FERMT2: variants seen among roughly 807,000 people sequenced by gnomAD.
FERMT2 encodes the protein FERM domain containing kindlin 2, also known as fermitin family homolog 2.
FERMT2 carries 15 observed loss-of-function variants against 82.7 expected under a neutral mutation model. The observed-to-expected ratio is 0.18, with a 90% CI of 0.12 to 0.28. The LOEUF (loss-of-function observed/expected upper bound fraction) is 0.28, where lower values mean the gene tolerates loss of function less well. Ranked by LOEUF, FERMT2 falls within the 10% of genes least tolerant of loss-of-function variation. The pLI is 1.00. For missense variants in FERMT2, 645 were observed against 809.4 expected (o/e 0.80, Z 2.46); for synonymous variants, 274 against 271.5 (o/e 1.01, Z -0.09).
chr14:52,934,694 G>A (rs1889755862), intron 2 of FERMT2, among the ~76,000 whole-genome samples: 1 of 152,154 alleles, frequency 6.6e-6, no homozygotes, highest in Admixed American at 6.6e-5. Flanking sequence ...AATGGTGAAA[G>A]CATCCACATT....
chr14:52,911,681 G>A (rs912180541), intron 3 of FERMT2, among the ~76,000 whole-genome samples: 6 of 151,108 alleles, frequency 4.0e-5, no homozygotes, highest in Non-Finnish European at 5.9e-5. Flanking sequence ...GCAGGCTGCA[G>A]GCCAGAGTTT....
chr14:52,945,946 G>A (rs1273814466), intron 2 of FERMT2, among the ~76,000 whole-genome samples: 4 of 152,054 alleles, frequency 2.6e-5, no homozygotes, highest in Non-Finnish European at 4.4e-5. Context: ...GCACTATCTC[G>A]GCTCATTGCA....
At chr14:52,920,950 G>GAAAAAA (rs146780949) in intron 2 of FERMT2, among the ~76,000 whole-genome samples, 1 of 147,032 alleles carries the variant, frequency 6.8e-6, no homozygotes, top group African/African-American at 2.5e-5. Flanking sequence ...CCTACCTCAA[G>GAAAAAA]AAAAAAAAAA....
chr14:52,929,294 C>A (rs1288561944), intron 2 of FERMT2, among the ~76,000 whole-genome samples: 1 of 152,182 alleles, frequency 6.6e-6, no homozygotes. Context: ...TCCACTGGCA[C>A]CACCCTATTT....
chr14:52,925,033 T>C (rs754312684), intron 2 of FERMT2, among the ~76,000 whole-genome samples: 9 of 152,182 alleles, frequency 5.9e-5, no homozygotes, highest in Non-Finnish European at 8.8e-5. Flanking sequence ...AGCTCTTTCT[T>C]TGGTGCTGGC....
chr14:52,929,082 T>A (rs546705185), intron 2 of FERMT2, among the ~76,000 whole-genome samples: 1 of 152,328 alleles, frequency 6.6e-6, no homozygotes, highest in Admixed American at 6.5e-5. Context: ...CATCTCTTCT[T>A]GATGTCCCAC....
At chr14:52,888,391 C>T (rs537784231) in intron 4 of FERMT2, among the ~76,000 whole-genome samples, 15 of 152,226 alleles carry the variant, frequency 9.9e-5, no homozygotes, top group East Asian at 1.9e-4. Flanking sequence ...AACTCAATCA[C>T]GATTATTCAT....
In FERMT2 at chr14:52,893,372, C is replaced by G. The variant is rs529594228; in HGVS notation, c.447G>C (p.Lys149Asn). The G allele has an allele frequency of 3.7e-6, 6 of 1,611,480 alleles. No homozygotes were observed. In the African/African-American group the frequency reaches 6.7e-5, roughly 18 times the overall value. ...GGTCATCTAGCTTCTTCTTTTTTTT[C>G]TTTGTTGGATCTCTGGGTTTCTTTA... is the stretch of plus-strand genomic sequence containing the variant. Reference protein sequence around the residue: ...SLLKKPRDPTKKKKKKLDDQS... With the variant: ...SLLKKPRDPTNKKKKKLDDQS... The change falls in exon 4 of 15, where the codon AAG becomes AAC. Residue 149 changes from lysine to asparagine, a missense_variant. Transcript: ENST00000341590.
chr14:52,939,097 G>A (rs1319209167), intron 2 of FERMT2, among the ~76,000 whole-genome samples: 2 of 148,222 alleles, frequency 1.3e-5, no homozygotes, highest in African/African-American at 5.0e-5. Flanking sequence ...GCTCACGTCT[G>A]TAATCCCAGC....
intron 4 of FERMT2, among the ~76,000 whole-genome samples, chr14:52,882,230 A>T (rs1886341324): frequency 6.6e-6 from 1 of 152,120 alleles, no homozygotes; most frequent in African/African-American, 2.4e-5. Context: ...AGTTTTTTTT[A>T]ATTTTTAAGT....
chr14:52,888,436 A>G (rs1886736883), intron 4 of FERMT2, among the ~76,000 whole-genome samples: 1 of 152,170 alleles, frequency 6.6e-6, no homozygotes, highest in Non-Finnish European at 1.5e-5. Context: ...CTTTCCTACA[A>G]TTTGTCATTA....
intron 4 of FERMT2, among the ~76,000 whole-genome samples, chr14:52,892,601 C>T (rs1055208541): frequency 2.0e-5 from 3 of 151,620 alleles, no homozygotes; most frequent in South Asian, 2.1e-4. Flanking sequence ...ACTACAGGCA[C>T]GTGCCACCAC....
chr14:52,926,055 CCA>C (rs1230318338), intron 2 of FERMT2, among the ~76,000 whole-genome samples: 2 of 152,048 alleles, frequency 1.3e-5, no homozygotes, highest in Non-Finnish European at 2.9e-5. Flanking sequence ...CTTGAAAAAC[CCA>C]CTATGTGCAG....
At chr14:52,902,927 CAA>C (rs761269935) in intron 3 of FERMT2, among the ~76,000 whole-genome samples, 281 of 63,814 alleles carry the variant, frequency 4.4e-3, no homozygotes, top group African/African-American at 0.014. Flanking sequence ...TGATAGCCAC[CAA>C]AAAAAAAAAA....
chr14:52,950,751 T>TCGCCCCGCA, intron 1 of FERMT2, 170 bp downstream of exon 1: 1 of 571,510 alleles, frequency 1.7e-6, no homozygotes, highest in Admixed American at 3.5e-5. Flanking sequence ...TACGCCCCGC[T>TCGCCCCGCA]CGCCCCGCAG....
chr14:52,946,168 C>G (rs954063565), intron 2 of FERMT2, among the ~76,000 whole-genome samples: 2 of 152,136 alleles, frequency 1.3e-5, no homozygotes, highest in African/African-American at 4.8e-5. Context: ...AGCCACCGTG[C>G]CCAGCCAAGG....
chr14:52,947,293 C>T (rs182393746), intron 2 of FERMT2, among the ~76,000 whole-genome samples: 36 of 152,284 alleles, frequency 2.4e-4, no homozygotes, highest in African/African-American at 7.9e-4. Flanking sequence ...TCCCGGTTAA[C>T]ACGGTGAAAC....
At chr14:52,925,307 G>C (rs1003671265) in intron 2 of FERMT2, among the ~76,000 whole-genome samples, 1 of 152,100 alleles carries the variant, frequency 6.6e-6, no homozygotes, top group Non-Finnish European at 1.5e-5. Flanking sequence ...ATCCCAGTAT[G>C]TTGGGAGGCC....
At chr14:52,908,470 C>T (rs925189368) in intron 3 of FERMT2, among the ~76,000 whole-genome samples, 3 of 152,090 alleles carry the variant, frequency 2.0e-5, no homozygotes, top group Admixed American at 2.0e-4. Context: ...CAACAGAGTA[C>T]TACTCAGTAA....
Sources: gnomAD v4.1 joint callset for allele counts (sites outside exome capture counted in the v4.1 genomes callset) on GRCh38, gnomAD v4.1.1 for gene constraint, MANE v1.5 for transcripts, NCBI Gene and HGNC (gene_info 2026-07-23, HGNC 2026-07-21) for gene names.